GTF2E2: variants seen among roughly 807,000 people sequenced by gnomAD.
The protein encoded by GTF2E2 is general transcription factor IIE subunit 2, also known as transcription initiation factor IIE subunit beta.
In GTF2E2, 21 loss-of-function variants were observed where a neutral mutation model predicts 40.5. The ratio of observed to expected loss-of-function variants is 0.52; its 90% CI spans 0.37 to 0.75. The LOEUF (loss-of-function observed/expected upper bound fraction) is 0.75. GTF2E2 is among the 30% of genes least tolerant of loss of function. The pLI is 0.00. For synonymous variants in GTF2E2, 117 were observed against 121.6 expected (o/e 0.96, Z 0.25); for missense variants, 298 against 338.4 (o/e 0.88, Z 0.94).
At chr8:30,580,610 G>A (rs1435943767) in intron 6 of GTF2E2, among the ~76,000 whole-genome samples, 1 of 152,128 alleles carries the variant, frequency 6.6e-6, no homozygotes, top group African/African-American at 2.4e-5. Context: ...CCGACAGTGG[G>A]GCTGTTTCTT....
At chr8:30,584,968 C>T (rs1343380388) in intron 6 of GTF2E2, 1 of 152,164 alleles carries the variant, frequency 6.6e-6, no homozygotes, top group Non-Finnish European at 1.5e-5. Flanking sequence ...AGGCGGATCA[C>T]CTGAGGTCGG....
intron 6 of GTF2E2, among the ~76,000 whole-genome samples, chr8:30,582,505 C>A (rs1487089315): frequency 6.6e-6 from 1 of 152,146 alleles, no homozygotes; most frequent in Non-Finnish European, 1.5e-5. Flanking sequence ...AATTCATCAA[C>A]AGGCCTTACT....
In GTF2E2 at chr8:30,653,554, T is replaced by C; in HGVS notation, c.45A>G (p.Arg15=). The change falls in exon 2 of 8, where the codon CGA becomes CGG. Residue 15 remains arginine (R), a synonymous_variant. Coordinates refer to ENST00000355904, the MANE Select transcript of GTF2E2 (RefSeq NM_002095.6). ...LLRERELFKK[R]ALSTPVVEKR... ...TTTCTACTACAGGAGTAGAAAGAGC[T>C]CGTTTTTTGAACAGCTCCCTTTCTC... 1 of 1,613,418 alleles carries C rather than the reference T, an allele frequency of 6.2e-7. No homozygotes were observed. The highest frequency in any genetic ancestry group is 2.2e-5 in the East Asian group (1 of 44,862).
intron 6 of GTF2E2, chr8:30,584,921 G>C (rs1314740082): frequency 6.6e-6 from 1 of 152,174 alleles, no homozygotes. Context: ...GCCGAGCGTG[G>C]TGGCTCTGTA....
intron 2 of GTF2E2, among the ~76,000 whole-genome samples, chr8:30,648,842 T>G (rs1802184413): frequency 6.6e-6 from 1 of 152,226 alleles, no homozygotes; most frequent in South Asian, 2.1e-4. Flanking sequence ...CTGAGATTTT[T>G]GGGATTGTTA....
At chr8:30,589,107 A>G (rs895419396) in intron 6 of GTF2E2, among the ~76,000 whole-genome samples, 109 of 152,160 alleles carry the variant, frequency 7.2e-4, no homozygotes, top group African/African-American at 2.6e-3. Flanking sequence ...CAAAAAAAAA[A>G]TTATCCGGGC....
intron 3 of GTF2E2, among the ~76,000 whole-genome samples, chr8:30,630,941 G>C (rs1032263075): frequency 6.6e-6 from 1 of 151,974 alleles, no homozygotes; most frequent in South Asian, 2.1e-4. Context: ...GTCCAAGAAC[G>C]CATTGCTCTT....
chr8:30,616,188 T>C (rs1800913383), intron 3 of GTF2E2, among the ~76,000 whole-genome samples: 1 of 152,080 alleles, frequency 6.6e-6, no homozygotes, highest in Admixed American at 6.5e-5. Context: ...ACACCTGTAA[T>C]CCCAGCACTT....
chr8:30,608,755 G>A (rs1172080946), intron 5 of GTF2E2, among the ~76,000 whole-genome samples: 1 of 152,112 alleles, frequency 6.6e-6, no homozygotes, highest in Non-Finnish European at 1.5e-5. Context: ...GGGGTCAGGA[G>A]TTTGTTTGTT....
intron 2 of GTF2E2, chr8:30,644,461 T>C (rs1238644256): frequency 6.6e-6 from 1 of 152,216 alleles, no homozygotes; most frequent in Non-Finnish European, 1.5e-5. Context: ...TGGCATTATT[T>C]GGTTTTCTTT....
At chr8:30,653,172 G>A (rs1802339515) in intron 2 of GTF2E2, among the ~76,000 whole-genome samples, 1 of 152,080 alleles carries the variant, frequency 6.6e-6, no homozygotes, top group Non-Finnish European at 1.5e-5. Flanking sequence ...TCTTTGAACT[G>A]TAAACTTAAA....
At chr8:30,619,281 T>A (rs1260396483) in intron 3 of GTF2E2, among the ~76,000 whole-genome samples, 1 of 152,170 alleles carries the variant, frequency 6.6e-6, no homozygotes, top group Non-Finnish European at 1.5e-5. Flanking sequence ...TGTTTTATAA[T>A]CTTTATTTTT....
rs140387031 is a variant in GTF2E2 at position 30,593,307 on chromosome 8, A to G, written c.644-12911T>C. Among the ~76,000 whole-genome samples the G allele has an allele frequency of 3.8e-3, 578 of 152,340 alleles. 2 individuals carry two copies. The highest frequency in any genetic ancestry group is 0.013 in the African/African-American group (531 of 41,582). On this transcript the variant is annotated intron_variant, in intron 6 of 7. Coordinates refer to ENST00000355904, the MANE Select transcript of GTF2E2 (RefSeq NM_002095.6). Reference sequence around the variant, plus strand: ...GTGCTCTTCCGGACTTCTATATCATAATTTTCCATCTATCTGTTCAATCAA... The same window carrying G: ...GTGCTCTTCCGGACTTCTATATCATGATTTTCCATCTATCTGTTCAATCAA...
intron 6 of GTF2E2, among the ~76,000 whole-genome samples, chr8:30,603,583 A>G (rs938005390): frequency 6.6e-6 from 1 of 152,198 alleles, no homozygotes; most frequent in Non-Finnish European, 1.5e-5. Context: ...TTCTTAAAAT[A>G]AACTACGACT....
At chr8:30,635,169 T>C (rs1057084622) in intron 2 of GTF2E2, 46 bp from the exon 3 acceptor site, 1 of 1,069,006 alleles carries the variant, frequency 9.4e-7, no homozygotes, top group Non-Finnish European at 1.4e-6. Flanking sequence ...TGTGTGATTA[T>C]GACTCTTGAG....
In GTF2E2 at chr8:30,612,375, T is replaced by C. The variant is rs747477737; in HGVS notation, c.473A>G (p.His158Arg). The C allele has an allele frequency of 1.6e-5, 26 of 1,612,960 alleles. 1 individual carries two copies. Among genetic ancestry groups the C allele is most frequent in the Middle Eastern group, 1.7e-4 (1 of 6,058 alleles). The change falls in exon 5 of 8, where the codon CAT (histidine) becomes CGT (arginine). Residue 158 changes from histidine to arginine, a missense_variant. Coordinates refer to ENST00000355904, the MANE Select transcript of GTF2E2 (RefSeq NM_002095.6). ...KKALLRLLDQHDQRGLGGILL... is the reference protein window; with the variant it reads ...KKALLRLLDQRDQRGLGGILL... Reference sequence around the variant, plus strand: ...AATTCCTCCTAATCCTCGCTGGTCATGCTGATCTAAGAGCCTAAGTAGGGC... The same window carrying C: ...AATTCCTCCTAATCCTCGCTGGTCACGCTGATCTAAGAGCCTAAGTAGGGC...
At chr8:30,599,314 C>T (rs1387897060) in intron 6 of GTF2E2, among the ~76,000 whole-genome samples, 3 of 152,164 alleles carry the variant, frequency 2.0e-5, no homozygotes, top group African/African-American at 7.2e-5. Context: ...CAGTGGCTCA[C>T]GCCTGTTATC....
At chr8:30,645,912 A>C (rs1292068016) in intron 2 of GTF2E2, 1 of 225,318 alleles carries the variant, frequency 4.4e-6, no homozygotes, top group Admixed American at 5.2e-5. Flanking sequence ...AAGGCTAATG[A>C]TGCTAAAATG....
chr8:30,639,067 G>A (rs771902421), intron 2 of GTF2E2, among the ~76,000 whole-genome samples: 1 of 152,160 alleles, frequency 6.6e-6, no homozygotes, highest in Non-Finnish European at 1.5e-5. Flanking sequence ...ATGTGCAAAT[G>A]ATATTGGCTG....
Sources: gnomAD v4.1 joint callset for allele counts (sites outside exome capture counted in the v4.1 genomes callset) on GRCh38, gnomAD v4.1.1 for gene constraint, MANE v1.5 for transcripts, NCBI Gene and HGNC (gene_info 2026-07-23, HGNC 2026-07-21) for gene names.